The following TMEM117 variants were observed in gnomAD, a reference collection of about 807,000 sequenced individuals.
TMEM117 encodes transmembrane protein 117.
TMEM117 carries 27 observed loss-of-function variants against 52.4 expected under a neutral mutation model. The ratio of observed to expected loss-of-function variants is 0.51; its 90% CI spans 0.38 to 0.71. The LOEUF is 0.71. Among genes scored for constraint, TMEM117 ranks in the 30% least tolerant of loss-of-function variants. The probability of loss-of-function intolerance (pLI) is 0.00; values close to 1 mark genes in which losing one functional copy is unlikely to be tolerated. For missense variants in TMEM117, 556 were observed against 630.5 expected (o/e 0.88, Z 1.26); for synonymous variants, 215 against 206.3 (o/e 1.04, Z -0.36).
At chr12:43,839,372 C>T (rs192005660) in intron 1 of TMEM117, among the ~76,000 whole-genome samples, 22 of 152,206 alleles carry the variant, frequency 1.4e-4, no homozygotes, top group Admixed American at 1.1e-3. Context: ...ACCTTCTGTA[C>T]CTAATCTCTT....
At chr12:43,872,058 T>G (rs928446825) in intron 2 of TMEM117, among the ~76,000 whole-genome samples, 2 of 152,288 alleles carry the variant, frequency 1.3e-5, no homozygotes, top group Middle Eastern at 3.4e-3. Context: ...CATGCTCAGC[T>G]AATTCCTTTT....
chr12:44,388,165 A>G lies in TMEM117; in HGVS notation c.1038A>G (p.Ser346=), dbSNP rs1565785319. The change falls in exon 8 of 8, where the codon TCA becomes TCG. Residue 346 remains serine, a synonymous_variant. Transcript: ENST00000266534. ...PGQKIYTVKD[S]ESLKDLNRTK... is the part of the protein sequence containing the mutation. ...AGAAGATATATACAGTGAAAGACTC[A>G]GAAAGTTTAAAAGATTTGAACAGAA... is the stretch of plus-strand genomic sequence containing the variant. The G allele has an allele frequency of 1.9e-6, 3 of 1,613,338 alleles. No homozygotes were observed. The highest frequency in any genetic ancestry group is 2.7e-5 in the African/African-American group (2 of 74,992).
chr12:44,149,179 G>T (rs540036973), intron 4 of TMEM117, among the ~76,000 whole-genome samples: 1 of 152,298 alleles, frequency 6.6e-6, no homozygotes, highest in East Asian at 1.9e-4. Flanking sequence ...TGCATTCTTC[G>T]AATGGTCATT....
chr12:44,368,129 CTTCCTCT>C (rs1951815323), intron 6 of TMEM117, among the ~76,000 whole-genome samples: 2 of 152,186 alleles, frequency 1.3e-5, no homozygotes, highest in South Asian at 4.1e-4. Flanking sequence ...CTTCTCAGGG[CTTCCTCT>C]TTCATATCAA....
intron 5 of TMEM117, among the ~76,000 whole-genome samples, chr12:44,297,920 T>C (rs1388187832): frequency 1.3e-5 from 2 of 152,216 alleles, no homozygotes; most frequent in East Asian, 3.8e-4. Flanking sequence ...TGAATTTTTG[T>C]GATCAAAGTT....
At chr12:44,267,560 A>G (rs1027703434) in intron 5 of TMEM117, among the ~76,000 whole-genome samples, 1 of 152,176 alleles carries the variant, frequency 6.6e-6, no homozygotes, top group Non-Finnish European at 1.5e-5. Flanking sequence ...CTTTGTTAGC[A>G]AAATTGTAAG....
intron 1 of TMEM117, among the ~76,000 whole-genome samples, chr12:43,837,206 CTT>C (rs1185113744): frequency 2.0e-5 from 3 of 152,136 alleles, no homozygotes; most frequent in Non-Finnish European, 4.4e-5. Flanking sequence ...GAAACTGGCT[CTT>C]GTCAGTTTTA....
chr12:44,064,440 A>T (rs1947189925), intron 3 of TMEM117, among the ~76,000 whole-genome samples: 1 of 152,138 alleles, frequency 6.6e-6, no homozygotes, highest in Non-Finnish European at 1.5e-5. Flanking sequence ...CGAATCTTTG[A>T]TTCTGCCACT....
At chr12:44,026,532 A>AT (rs1946535546) in intron 3 of TMEM117, among the ~76,000 whole-genome samples, 1 of 152,154 alleles carries the variant, frequency 6.6e-6, no homozygotes, top group Non-Finnish European at 1.5e-5. Context: ...TTATTTCTTA[A>AT]TTAAACACTG....
chr12:44,036,624 T>C (rs1165338364), intron 3 of TMEM117, among the ~76,000 whole-genome samples: 2 of 152,218 alleles, frequency 1.3e-5, no homozygotes, highest in Non-Finnish European at 2.9e-5. Context: ...AAAAAATCTT[T>C]TTTTGTTCTT....
chr12:43,845,290 A>G (rs964982485), intron 2 of TMEM117, among the ~76,000 whole-genome samples: 29 of 151,814 alleles, frequency 1.9e-4, no homozygotes, highest in African/African-American at 7.0e-4. Context: ...GTGAAACCTC[A>G]TCTCTACTAA....
intron 3 of TMEM117, among the ~76,000 whole-genome samples, chr12:44,042,755 A>T (rs1187403403): frequency 7.7e-6 from 1 of 129,582 alleles, no homozygotes; most frequent in African/African-American, 3.1e-5. Context: ...TTAATCCTTA[A>T]TAAACTACAC....
At chr12:44,186,544 G>C (rs1949280679) in intron 4 of TMEM117, among the ~76,000 whole-genome samples, 1 of 152,134 alleles carries the variant, frequency 6.6e-6, no homozygotes, top group African/African-American at 2.4e-5. Flanking sequence ...CTATGGAAAG[G>C]GATAGGTGAA....
chr12:43,855,470 TA>T (rs1281557121), intron 2 of TMEM117, among the ~76,000 whole-genome samples: 2 of 152,124 alleles, frequency 1.3e-5, no homozygotes, highest in Non-Finnish European at 2.9e-5. Context: ...ATGCTGTAGT[TA>T]AAAAAATAGA....
At chr12:43,802,302 G>A in the TMEM117 span, 1 of 1,552,780 alleles carries the variant, frequency 6.4e-7, no homozygotes, top group Non-Finnish European at 8.7e-7. Flanking sequence ...ATGATCTGGA[G>A]ACCATGCAAT....
chr12:44,266,149 C>G (rs2138553510), intron 5 of TMEM117, among the ~76,000 whole-genome samples: 1 of 152,102 alleles, frequency 6.6e-6, no homozygotes, highest in Admixed American at 6.5e-5. Flanking sequence ...AAACCTATAA[C>G]ATTTTGAAAA....
At chr12:43,808,552 AAAACAC>A in the TMEM117 span, among the ~76,000 whole-genome samples, 7 of 152,178 alleles carry the variant, frequency 4.6e-5, no homozygotes, top group Admixed American at 1.3e-4. Context: ...TGGTGGTCAC[AAAACAC>A]AAATGCTTAT....
chr12:44,134,278 A>G (rs1210819990), intron 3 of TMEM117, among the ~76,000 whole-genome samples: 2 of 152,074 alleles, frequency 1.3e-5, no homozygotes, highest in Non-Finnish European at 2.9e-5. Context: ...CAGTGGTGCA[A>G]TCAAGGCTTG....
At chr12:43,864,972 C>T (rs151298227) in intron 2 of TMEM117, among the ~76,000 whole-genome samples, 7 of 152,096 alleles carry the variant, frequency 4.6e-5, no homozygotes, top group African/African-American at 1.2e-4. Flanking sequence ...ATTCCAGACC[C>T]GCCACCTTAA....
Sources: allele counts gnomAD v4.1 joint callset (sites outside exome capture counted in the v4.1 genomes callset), GRCh38; gene constraint gnomAD v4.1.1; transcripts MANE v1.5; gene names NCBI Gene and HGNC (gene_info 2026-07-23, HGNC 2026-07-21).